TRIP6: variants seen among roughly 807,000 people sequenced by gnomAD.
TRIP6 encodes thyroid hormone receptor interactor 6.
In TRIP6, 33 loss-of-function variants were observed where a neutral mutation model predicts 51.9. That is an observed-to-expected ratio of 0.64 (90% CI 0.48 to 0.85). The LOEUF (loss-of-function observed/expected upper bound fraction) is 0.85. Among genes scored for constraint, TRIP6 ranks in the 40% least tolerant of loss-of-function variants. The pLI, the probability that TRIP6 is intolerant of heterozygous loss-of-function variation, is 0.00. For synonymous variants in TRIP6, 255 were observed against 275.8 expected, an observed-to-expected ratio of 0.92 and a Z score of 0.75; for missense variants, 661 against 652.1, an observed-to-expected ratio of 1.01 and a Z score of -0.15.
rs746530798 is a variant in TRIP6 at position 100,867,921 on chromosome 7, C to A, written c.170C>A (p.Ala57Asp). Reference protein sequence around the residue: ...CPLPSEQCYQAPGGPEDRGPA... With the variant: ...CPLPSEQCYQDPGGPEDRGPA... ...CTTCCATCTGAGCAGTGTTACCAGG[C>A]CCCAGGGGGACCGGAGGATCGGGGG... The change falls in exon 2 of 9, where the codon GCC becomes GAC. Residue 57 changes from alanine (A) to aspartate (D), a missense_variant. Physicochemically the swap from Ala to Asp is moderately radical, Grantham distance 126. Coordinates refer to ENST00000200457, the MANE Select transcript of TRIP6 (RefSeq NM_003302.3). The surrounding 1 kb of genome is among the most constrained non-coding windows in gnomAD (Gnocchi z 5.4). The A allele has an allele frequency of 6.6e-7, 1 of 1,519,446 alleles. No individual in the cohort carries two copies. The highest frequency in any genetic ancestry group is 8.8e-7 in the Non-Finnish European group (1 of 1,138,730). 94.1% of individuals were successfully genotyped at this position (1,519,446 alleles called of 1,614,324 possible).
At position 100,868,556 on chromosome 7, in the gene TRIP6, C is replaced by T. The variant is rs746042132; in HGVS notation, c.425C>T (p.Ser142Leu). 4.8e-5 allele frequency: 77 copies of T among 1,613,084 alleles called. 1 individual carries two copies. In the Middle Eastern group the frequency reaches 4.3e-3, roughly 90 times the overall value. Residue 142 changes from serine to leucine, a missense_variant, in exon 4 of 9, where the codon TCG (serine) becomes TTG (leucine). Ser to Leu is a moderately radical substitution (Grantham distance 145). Transcript: ENST00000200457. ...RTGSLKPNPA[S>L]PLPASPYGGP... ...GGCTCCCTGAAGCCAAATCCAGCCT[C>T]GCCGCTCCCAGCGTCTCCCTATGGG...
Position 100,867,564 on chromosome 7 carries a change from AT to A in TRIP6, c.68del (p.Ile23ThrfsTer75), listed in dbSNP as rs1563001416. The A allele has an allele frequency of 6.5e-7, 1 of 1,540,136 alleles. No homozygotes were observed. The highest frequency in any genetic ancestry group is 2.0e-5 in the Admixed American group (1 of 50,834). ...EPARAPQGRA[I>X]PRGTPGPPPA... ...CGCCAGAGCCCCTCAGGGGAGGGCG[AT>A]CCCCCGCGGCACCCCGGGGCCACCA... On this transcript the variant is annotated frameshift_variant, in exon 1 of 9. Transcript: ENST00000200457. LOFTEE classifies it high-confidence loss of function. This position sits in a 1 kb window ranked among gnomAD's most constrained non-coding sequence, Gnocchi z 5.4.
rs1437169861 is a variant in TRIP6 at position 100,867,540 on chromosome 7, G to A, written c.43G>A (p.Ala15Thr). The A allele has an allele frequency of 5.2e-6, 8 of 1,531,970 alleles. 1 individual carries two copies. The highest frequency in any genetic ancestry group is 5.0e-5 in the East Asian group (2 of 40,134). The allele number at this position is 1,531,970 out of a possible 1,614,324, so 94.9% of individuals were successfully genotyped here. A position where few individuals can be genotyped will look rare whatever the true frequency, so the allele number is the denominator to read the frequency against. ...GCTGCCCCCGAAGCAGCCGGAGCCC[G>A]CCAGAGCCCCTCAGGGGAGGGCGAT... ...TWLPPKQPEP[A>T]RAPQGRAIPR... Residue 15 changes from alanine to threonine, a missense_variant, in exon 1 of 9, where the codon GCC (alanine) becomes ACC (threonine). Physicochemically the swap from Ala to Thr is moderately conservative, Grantham distance 58. Coordinates refer to ENST00000200457, the MANE Select transcript of TRIP6 (RefSeq NM_003302.3). This position sits in a 1 kb window ranked among gnomAD's most constrained non-coding sequence, Gnocchi z 5.4.
chr7:100,868,733 C>A lies in TRIP6; in HGVS notation c.602C>A (p.Pro201His). Residue 201 changes from proline (P) to histidine (H), a missense_variant, in exon 4 of 9, where the codon CCT (proline) becomes CAT (histidine). By Grantham distance (77) the Pro-to-His change is moderately conservative. Coordinates refer to ENST00000200457, the MANE Select transcript of TRIP6 (RefSeq NM_003302.3). Reference sequence around the variant, plus strand: ...GGGCCCCTCCCGGGCCCCCACTTTCCTCTCCCAGGCCGAGGTGAAGTCTGG... The same window carrying A: ...GGGCCCCTCCCGGGCCCCCACTTTCATCTCCCAGGCCGAGGTGAAGTCTGG... ...ASGPLPGPHF[P>H]LPGRGEVWGP... 6.4e-7 allele frequency: 1 copy of A among 1,561,248 alleles called. No homozygotes were observed. The highest frequency in any genetic ancestry group is 8.6e-7 in the Non-Finnish European group (1 of 1,156,806).
rs1481255047 is a variant in TRIP6, at chr7:100,867,662, C to T, written c.109+56C>T. ...ACCCAGCTGTGGCGCTCACCTCTGT[C>T]CTACCGCTCCAGCCTCCCGCCCTGG... On this transcript the variant is annotated intron_variant, in intron 1 of 8. Transcript: ENST00000200457. This position sits in a 1 kb window ranked among gnomAD's most constrained non-coding sequence, Gnocchi z 5.4. 15 of 1,564,314 alleles carry T rather than the reference C, an allele frequency of 9.6e-6. No homozygotes were observed. Among genetic ancestry groups the T allele is most frequent in the African/African-American group, 1.4e-5 (1 of 73,252 alleles).
intron 6 of TRIP6, 142 bp from the exon 7 acceptor site, chr7:100,871,401 T>C: frequency 1.3e-6 from 1 of 783,472 alleles, no homozygotes; most frequent in Non-Finnish European, 2.1e-6. Flanking sequence ...TCAGATCTGC[T>C]CAAGTCTGCC....
chr7:100,871,834 TTTGTTA>T, intron 7 of TRIP6, 113 bp downstream of exon 7: 1 of 1,322,794 alleles, frequency 7.6e-7, no homozygotes, highest in South Asian at 1.4e-5. Flanking sequence ...TCCTTCGTTC[TTTGTTA>T]TTGTTATTTT....
At position 100,873,234 on chromosome 7, in the gene TRIP6, C is replaced by T. The variant is rs369350663; in HGVS notation, c.1362C>T (p.His454=). The T allele has an allele frequency of 1.3e-5, 21 of 1,613,746 alleles. No homozygotes were observed. Among genetic ancestry groups the T allele is most frequent in the Non-Finnish European group, 1.8e-5 (21 of 1,179,838 alleles). ...AGGGCTGCTACCCGCTGGATGGGCA[C>T]ATCTTGTGCAAGGCCTGCAGCGCCT... The part of the protein sequence containing the change: ...ECQGCYPLDG[H]ILCKACSAWR... Residue 454 remains histidine (H), a synonymous_variant, in exon 9 of 9, where the codon CAC becomes CAT. Coordinates refer to ENST00000200457, the MANE Select transcript of TRIP6 (RefSeq NM_003302.3).
chr7:100,873,064 T>A, intron 8 of TRIP6, 108 bp from the exon 9 acceptor site: 1 of 1,449,558 alleles, frequency 6.9e-7, no homozygotes, highest in Non-Finnish European at 9.2e-7. Flanking sequence ...TTGGCCAGGC[T>A]GGTCTTGAAC....
intron 3 of TRIP6, 114 bp downstream of exon 3, chr7:100,868,347 C>T (rs1165282068): frequency 6.4e-7 from 1 of 1,566,366 alleles, no homozygotes; most frequent in East Asian, 2.3e-5. Flanking sequence ...GGAAGCGTGG[C>T]TGCAAGTACC....
At chr7:100,868,446 C>T (rs1232106450) in intron 3 of TRIP6, 49 bp from the exon 4 acceptor site, 3 of 1,612,088 alleles carry the variant, frequency 1.9e-6, no homozygotes, top group Middle Eastern at 1.6e-4. Flanking sequence ...AAATGTGGGT[C>T]TTGGAGTGGG....
rs1216128489 is a variant in TRIP6, at chr7:100,870,018, T to C, written c.736-352T>C. On this transcript the variant is annotated intron_variant, in intron 4 of 8. Transcript: ENST00000200457. ...AGGATCAGTGGGAGCCCTGAGCTTG[T>C]TTTCCTGCAACTGGACAGTCCCATC... 3.3e-5 allele frequency among the ~76,000 whole-genome samples: 5 copies of C among 152,134 alleles called. No homozygotes were observed. The East Asian group carries it at 9.7e-4, about 29-fold the overall frequency.
Position 100,871,701 on chromosome 7 carries a change from C to T in TRIP6, c.1158C>T (p.His386=), listed in dbSNP as rs1815275329. 1.2e-6 allele frequency: 2 copies of T among 1,613,966 alleles called. No individual in the cohort carries two copies. The highest frequency in any genetic ancestry group is 1.3e-5 in the African/African-American group (1 of 74,950). Reference sequence around the variant, plus strand: ...CAGTGGATGCTACGAGCCAGATCCACTGCATTGAGGACTTTCACAGGTCAG... The same window carrying T: ...CAGTGGATGCTACGAGCCAGATCCATTGCATTGAGGACTTTCACAGGTCAG... ...PFTVDATSQI[H]CIEDFHRKFA... is the part of the protein sequence containing the mutation. Residue 386 remains histidine (H), a synonymous_variant, in exon 7 of 9, where the codon CAC becomes CAT. Transcript: ENST00000200457.
In TRIP6 at chr7:100,868,575, C is replaced by A. The variant is rs764795843; in HGVS notation, c.444C>A (p.Pro148=). 2.4e-5 allele frequency: 39 copies of A among 1,613,048 alleles called. No homozygotes were observed. Among genetic ancestry groups the A allele is most frequent in the Non-Finnish European group, 3.3e-5 (39 of 1,180,008 alleles). ...CAGCCTCGCCGCTCCCAGCGTCTCC[C>A]TATGGGGGCCCCACTCCAGCCTCTT... is the stretch of plus-strand genomic sequence containing the variant. ...PNPASPLPAS[P]YGGPTPASYT... is the part of the protein sequence containing the mutation. The change falls in exon 4 of 9, where the codon CCC becomes CCA. Residue 148 remains proline (P), a synonymous_variant. Transcript: ENST00000200457.
chr7:100,869,579 C>T, intron 4 of TRIP6, among the ~76,000 whole-genome samples: 1 of 147,344 alleles, frequency 6.8e-6, no homozygotes, highest in East Asian at 2.0e-4. Flanking sequence ...TTGCGGTGAG[C>T]CGAGATCGCA....
At position 100,867,565 on chromosome 7, in the gene TRIP6, T is replaced by G; in HGVS notation, c.68T>G (p.Ile23Ser). 6.5e-7 allele frequency: 1 copy of G among 1,539,772 alleles called. No homozygotes were observed. The highest frequency in any genetic ancestry group is 8.7e-7 in the Non-Finnish European group (1 of 1,145,828). Residue 23 changes from isoleucine (I) to serine (S), a missense_variant, in exon 1 of 9, where the codon ATC (isoleucine) becomes AGC (serine). Ile to Ser is a moderately radical substitution (Grantham distance 142). Coordinates refer to ENST00000200457, the MANE Select transcript of TRIP6 (RefSeq NM_003302.3). This position sits in a 1 kb window ranked among gnomAD's most constrained non-coding sequence, Gnocchi z 5.4. ...EPARAPQGRA[I>S]PRGTPGPPPA... ...GCCAGAGCCCCTCAGGGGAGGGCGA[T>G]CCCCCGCGGCACCCCGGGGCCACCA...
chr7:100,867,532 C>A lies in TRIP6; in HGVS notation c.35C>A (p.Pro12Gln), dbSNP rs751195544. 1.2e-5 allele frequency: 19 copies of A among 1,520,824 alleles called. No individual in the cohort carries two copies. The African/African-American group carries it at 2.4e-4, about 19-fold the overall frequency. 94.2% of individuals were successfully genotyped at this position (1,520,824 alleles called of 1,614,324 possible). A position where few individuals can be genotyped will look rare whatever the true frequency, so the allele number is the denominator to read the frequency against. ...SGPTWLPPKQ[P>Q]EPARAPQGRA... Reference sequence around the variant, plus strand: ...CCCACCTGGCTGCCCCCGAAGCAGCCGGAGCCCGCCAGAGCCCCTCAGGGG... The same window carrying A: ...CCCACCTGGCTGCCCCCGAAGCAGCAGGAGCCCGCCAGAGCCCCTCAGGGG... Residue 12 changes from proline (P) to glutamine (Q), a missense_variant, in exon 1 of 9, where the codon CCG becomes CAG. By Grantham distance (76) the Pro-to-Gln change is moderately conservative. Coordinates refer to ENST00000200457, the MANE Select transcript of TRIP6 (RefSeq NM_003302.3). This position sits in a 1 kb window ranked among gnomAD's most constrained non-coding sequence, Gnocchi z 5.4.
In TRIP6 at chr7:100,867,941, C is replaced by CG; in HGVS notation, c.195dup (p.Pro66AlafsTer59). ...CCAGGCCCCAGGGGGACCGGAGGATCGGGGGCCGGCGTGGGTGGGGTCCCA... is the reference window on the plus strand; with the variant it reads ...CCAGGCCCCAGGGGGACCGGAGGATCGGGGGGCCGGCGTGGGTGGGGTCCCA... On this transcript the variant is annotated frameshift_variant, in exon 2 of 9. Transcript: ENST00000200457. LOFTEE classifies it high-confidence loss of function. This position sits in a 1 kb window ranked among gnomAD's most constrained non-coding sequence, Gnocchi z 5.4. 3.3e-6 allele frequency: 5 copies of CG among 1,514,452 alleles called. No individual in the cohort carries two copies. Among genetic ancestry groups the CG allele is most frequent in the East Asian group, 2.3e-5 (1 of 42,660 alleles). The allele number at this position is 1,514,452 out of a possible 1,614,324, so 93.8% of individuals were successfully genotyped here. A position where few individuals can be genotyped will look rare whatever the true frequency, so the allele number is the denominator to read the frequency against.
chr7:100,870,807 G>A (rs1189218441), intron 6 of TRIP6, 64 bp downstream of exon 6: 1 of 1,548,274 alleles, frequency 6.5e-7, no homozygotes, highest in African/African-American at 1.4e-5. Context: ...CATCCAAGGT[G>A]GTAACTAGAG....
Sources: gnomAD v4.1 joint callset for allele counts (sites outside exome capture counted in the v4.1 genomes callset) on GRCh38, gnomAD v4.1.1 for gene constraint, Gnocchi (gnomAD v3.1) non-coding constraint, MANE v1.5 for transcripts, NCBI Gene and HGNC (gene_info 2026-07-23, HGNC 2026-07-21) for gene names.